The following THSD4 variants were observed in gnomAD, a reference collection of about 807,000 sequenced individuals.
The protein encoded by THSD4 is thrombospondin type 1 domain containing 4, also known as thrombospondin type-1 domain-containing protein 4.
A neutral mutation model predicts 119.0 loss-of-function variants in THSD4; 69 were observed. The ratio of observed to expected loss-of-function variants is 0.58; its 90% CI spans 0.48 to 0.71. The LOEUF (loss-of-function observed/expected upper bound fraction) is 0.71, where lower values mean the gene tolerates loss of function less well. Among genes scored for constraint, THSD4 ranks in the 30% least tolerant of loss-of-function variants. The pLI is 0.00. For missense variants in THSD4, 1,393 were observed against 1,391.1 expected (o/e 1.00, Z -0.02); for synonymous variants, 524 against 540.4 (o/e 0.97, Z 0.42).
intron 7 of THSD4, among the ~76,000 whole-genome samples, chr15:71,502,943 G>T (rs1261018718): frequency 6.6e-6 from 1 of 152,200 alleles, no homozygotes; most frequent in Non-Finnish European, 1.5e-5. Context: ...CGGGGAATTT[G>T]CAGCAGACTG....
chr15:71,427,610 C>A (rs1234569980), intron 7 of THSD4, among the ~76,000 whole-genome samples: 1 of 147,818 alleles, frequency 6.8e-6, no homozygotes, highest in Non-Finnish European at 1.5e-5. Flanking sequence ...GGACCCAGCA[C>A]ATACGAGATA....
intron 8 of THSD4, among the ~76,000 whole-genome samples, chr15:71,685,202 T>TA (rs56108084): frequency 0.1 from 15,295 of 149,148 alleles, 796 homozygotes; most frequent in South Asian, 0.17. Context: ...TTCCTCTTTT[T>TA]AAAAAAAAAA....
intron 3 of THSD4, chr15:71,164,637 A>C (rs1596234291): frequency 7.1e-7 from 1 of 1,399,580 alleles, no homozygotes; most frequent in Non-Finnish European, 9.6e-7. Context: ...CTATACAAAA[A>C]AAGACACTGT....
intron 1 of THSD4, among the ~76,000 whole-genome samples, chr15:71,120,570 G>A (rs1013780307): frequency 2.6e-5 from 4 of 152,214 alleles, no homozygotes; most frequent in Non-Finnish European, 5.9e-5. Flanking sequence ...GCAGCATGTG[G>A]CCTGCTCCAC....
intron 7 of THSD4, among the ~76,000 whole-genome samples, chr15:71,634,248 CT>C (rs3832991): frequency 0.27 from 40,924 of 151,464 alleles, 6,232 homozygotes; most frequent in East Asian, 0.62. Flanking sequence ...CACTGGGTTG[CT>C]GTGAGGATTA....
At chr15:71,466,631 C>G (rs982958426) in intron 7 of THSD4, among the ~76,000 whole-genome samples, 4 of 152,204 alleles carry the variant, frequency 2.6e-5, no homozygotes, top group Non-Finnish European at 5.9e-5. Context: ...TTGGTAGAAG[C>G]CTCCATCACC....
chr15:71,113,362 T>C (rs2040322249), upstream of THSD4, among the ~76,000 whole-genome samples: 1 of 152,220 alleles, frequency 6.6e-6, no homozygotes, highest in African/African-American at 2.4e-5. Flanking sequence ...CTAATAATCA[T>C]ACTTTGGTTA....
chr15:71,388,782 A>G (rs1390309839), intron 6 of THSD4, among the ~76,000 whole-genome samples: 1 of 151,998 alleles, frequency 6.6e-6, no homozygotes, highest in Non-Finnish European at 1.5e-5. Context: ...TAAAATATAT[A>G]TATATAAAAA....
chr15:71,303,828 C>T (rs1406887125), intron 6 of THSD4, among the ~76,000 whole-genome samples: 1 of 152,160 alleles, frequency 6.6e-6, no homozygotes, highest in African/African-American at 2.4e-5. Context: ...CCCTTTAACA[C>T]TGGCTGGCCC....
At chr15:71,161,716 A>T (rs1352184973) in intron 3 of THSD4, among the ~76,000 whole-genome samples, 2 of 151,592 alleles carry the variant, frequency 1.3e-5, no homozygotes, top group Non-Finnish European at 1.5e-5. Context: ...TATTTTTTTT[A>T]AATTAGAGCA....
At chr15:71,438,382 A>G (rs1006316307) in intron 7 of THSD4, among the ~76,000 whole-genome samples, 7 of 151,722 alleles carry the variant, frequency 4.6e-5, no homozygotes, top group Admixed American at 2.6e-4. Context: ...AAATTTAGCA[A>G]TTTTCTCTTT....
At chr15:71,447,857 T>C (rs1168065272) in intron 7 of THSD4, among the ~76,000 whole-genome samples, 1 of 152,170 alleles carries the variant, frequency 6.6e-6, no homozygotes, top group African/African-American at 2.4e-5. Context: ...CTGCTCTCCT[T>C]GGCATGTCAC....
At chr15:71,262,323 T>C (rs1283989993) in intron 6 of THSD4, among the ~76,000 whole-genome samples, 1 of 152,208 alleles carries the variant, frequency 6.6e-6, no homozygotes, top group Non-Finnish European at 1.5e-5. Context: ...AGGGTGCCCG[T>C]GCATCCCAGT....
chr15:71,112,143 C>G, upstream of THSD4: 1 of 1,613,672 alleles, frequency 6.2e-7, no homozygotes, highest in Non-Finnish European at 8.5e-7. Context: ...TTTGGGAGCC[C>G]TCACCACGTG....
rs61509514 is a variant in THSD4, at chr15:71,556,764, T to TAA, written c.1153-103752_1153-103751dup. On this transcript the variant is annotated intron_variant, in intron 7 of 17. Transcript: ENST00000261862. ...TGGGTGGCAGAGTAAGACCCTGTCT[T>TAA]AAAAAAAAAAAAAAAGTACAACTGA... Among the ~76,000 whole-genome samples the TAA allele has an allele frequency of 5.1e-3, 712 of 138,576 alleles. 10 individuals carry two copies. The highest frequency in any genetic ancestry group is 0.016 in the African/African-American group (605 of 37,580). 90.9% of individuals were successfully genotyped at this position (138,576 alleles called of 152,430 possible).
intron 7 of THSD4, among the ~76,000 whole-genome samples, chr15:71,472,801 A>G (rs557946963): frequency 2.0e-5 from 3 of 152,280 alleles, no homozygotes; most frequent in Admixed American, 6.5e-5. Flanking sequence ...CTTAATTGAA[A>G]CTGTGTGAGT....
intron 3 of THSD4, among the ~76,000 whole-genome samples, chr15:71,193,848 C>T (rs2043696073): frequency 2.0e-5 from 3 of 152,164 alleles, no homozygotes; most frequent in African/African-American, 4.8e-5. Context: ...CCCCCTGGGA[C>T]TACAGGCGCC....
At chr15:71,620,658 T>C (rs544068427) in intron 7 of THSD4, among the ~76,000 whole-genome samples, 12 of 152,228 alleles carry the variant, frequency 7.9e-5, no homozygotes, top group African/African-American at 2.4e-4. Flanking sequence ...ATAACATAAT[T>C]AGATCTATGT....
At position 71,771,052 on chromosome 15, in the gene THSD4, G is replaced by C. The variant is rs751803147; in HGVS notation, c.2770-12G>C. 2 of 1,612,390 alleles carry C rather than the reference G, an allele frequency of 1.2e-6. No individual in the cohort carries two copies. Among genetic ancestry groups the C allele is most frequent in the Non-Finnish European group, 1.7e-6 (2 of 1,179,506 alleles). ...CCCAAAAATCTGATGTTTTCCCTTT[G>C]TTCCCATGCAGTGTTCCAAGAGCTG... On this transcript the variant is annotated splice_polypyrimidine_tract_variant and intron_variant, in intron 16 of 17. Transcript: ENST00000261862.
Sources: gnomAD v4.1 joint callset for allele counts (sites outside exome capture counted in the v4.1 genomes callset) on GRCh38, gnomAD v4.1.1 for gene constraint, MANE v1.5 for transcripts, NCBI Gene and HGNC (gene_info 2026-07-23, HGNC 2026-07-21) for gene names.